Variants in USP20 observed in about 807,000 individuals in gnomAD.
USP20 encodes the protein ubiquitin carboxyl-terminal hydrolase 20.
A neutral mutation model predicts 124.2 loss-of-function variants in USP20; 80 were observed. The ratio of observed to expected loss-of-function variants is 0.64; its 90% confidence interval spans 0.54 to 0.78. The LOEUF is 0.78. Ranked by LOEUF, USP20 falls within the 30% of genes least tolerant of loss-of-function variation. USP20 has a pLI of 0.00. For missense variants in USP20, 1,043 were observed against 1,244.4 expected (o/e 0.84, Z 2.44); for synonymous variants, 481 against 512.3 (o/e 0.94, Z 0.83).
At chr9:129,871,708 TTTTTGTTTTG>T (rs930451480) in intron 15 of USP20, among the ~76,000 whole-genome samples, 4 of 152,144 alleles carry the variant, frequency 2.6e-5, no homozygotes, top group African/African-American at 9.7e-5. Flanking sequence ...TTGTGCGTTT[TTTTTGTTTTG>T]TTTTGTTTTG....
Position 129,861,557 on chromosome 9 carries a change from A to G in USP20, c.442A>G (p.Lys148Glu). ...DLKPRGLTGM[K>E]NLGNSCYMNA... Reference sequence around the variant, plus strand: ...TTATTTCCCAGGCCTCACGGGCATGAAGAACCTCGGGAACTCCTGCTACAT... The same window carrying G: ...TTATTTCCCAGGCCTCACGGGCATGGAGAACCTCGGGAACTCCTGCTACAT... Residue 148 changes from lysine (K) to glutamate (E), a missense_variant, in exon 8 of 26, where the codon AAG becomes GAG. Physicochemically the swap from Lys to Glu is moderately conservative, Grantham distance 56. Coordinates refer to ENST00000372429, the MANE Select transcript of USP20 (RefSeq NM_001110303.4). 1 of 1,614,120 alleles carries G rather than the reference A, an allele frequency of 6.2e-7. No homozygotes were observed. Among genetic ancestry groups the G allele is most frequent in the Non-Finnish European group, 8.5e-7 (1 of 1,180,014 alleles).
chr9:129,841,510 T>A (rs1476397660), intron 1 of USP20, among the ~76,000 whole-genome samples: 2 of 152,222 alleles, frequency 1.3e-5, no homozygotes, highest in Non-Finnish European at 2.9e-5. Flanking sequence ...CAGTCCACAC[T>A]CAGGCATGCT....
chr9:129,873,550 C>G, intron 16 of USP20, 35 bp downstream of exon 16: 1 of 1,614,124 alleles, frequency 6.2e-7, no homozygotes, highest in Non-Finnish European at 8.5e-7. Flanking sequence ...TCCCTAACTG[C>G]CGTTTCTGTG....
intron 4 of USP20, among the ~76,000 whole-genome samples, chr9:129,857,024 A>G (rs2033250005): frequency 6.6e-6 from 1 of 152,008 alleles, no homozygotes; most frequent in African/African-American, 2.4e-5. Flanking sequence ...TTTTATAGTC[A>G]TACTAAAAAT....
Position 129,879,445 on chromosome 9 carries a change from C to T in USP20, c.2513-128C>T, listed in dbSNP as rs556001674. On this transcript the variant is annotated intron_variant, in intron 23 of 25. Transcript: ENST00000372429. This position sits in a 1 kb window ranked among gnomAD's most constrained non-coding sequence, Gnocchi z 4.2. ...ACAGAGGAGCATTGGGTGGCTCAGG[C>T]GCCTCATCCATTAGAGACTTCACGC... The T allele has an allele frequency of 3.2e-5, 27 of 839,812 alleles. No individual in the cohort carries two copies. Among genetic ancestry groups the T allele is most frequent in the East Asian group, 9.9e-5 (4 of 40,576 alleles). 52.0% of individuals were successfully genotyped at this position (839,812 alleles called of 1,614,324 possible).
intron 14 of USP20, chr9:129,870,076 G>T: frequency 1.6e-6 from 1 of 606,762 alleles, no homozygotes. Flanking sequence ...TGGACAGCAG[G>T]GAGGTGACCA....
At chr9:129,854,013 G>C (rs1405137037) in intron 3 of USP20, among the ~76,000 whole-genome samples, 1 of 152,120 alleles carries the variant, frequency 6.6e-6, no homozygotes, top group Non-Finnish European at 1.5e-5. Flanking sequence ...GCAAGGATAT[G>C]AGCAGGTCCT....
At position 129,844,578 on chromosome 9, in the gene USP20, C is replaced by T. The variant is rs528326225; in HGVS notation, c.-128-5235C>T. Among the ~76,000 whole-genome samples the T allele has an allele frequency of 4.2e-5, 6 of 144,018 alleles. No homozygotes were observed. In the East Asian group the frequency reaches 6.2e-4, roughly 15 times the overall value. 94.5% of individuals were successfully genotyped at this position (144,018 alleles called of 152,430 possible). ...AGTGGAGAGTGTGTTCAGTCGAGAT[C>T]GCACCACTGCACTCCAGCCTGGGTG... On this transcript the variant is annotated intron_variant, in intron 1 of 25. Coordinates refer to ENST00000372429, the MANE Select transcript of USP20 (RefSeq NM_001110303.4).
intron 13 of USP20, 116 bp from the exon 14 acceptor site, chr9:129,869,556 G>C (rs780635948): frequency 1.3e-6 from 2 of 1,534,738 alleles, no homozygotes; most frequent in Non-Finnish European, 8.9e-7. Context: ...CCCTGCCTGC[G>C]TGGATCCCGT....
At chr9:129,847,339 G>A (rs187251864) in intron 1 of USP20, among the ~76,000 whole-genome samples, 63 of 134,966 alleles carry the variant, frequency 4.7e-4, no homozygotes, top group Middle Eastern at 4.5e-3. Flanking sequence ...GTCTTGCTCT[G>A]TCGCCCAGGC....
intron 1 of USP20, among the ~76,000 whole-genome samples, chr9:129,849,133 A>G (rs906531855): frequency 6.6e-6 from 1 of 152,092 alleles, no homozygotes; most frequent in South Asian, 2.1e-4. Context: ...TCCTGTCCAG[A>G]GGGTTGATGG....
chr9:129,863,640 G>A (rs991035550), intron 9 of USP20, among the ~76,000 whole-genome samples: 3 of 152,206 alleles, frequency 2.0e-5, no homozygotes, highest in Admixed American at 6.5e-5. Flanking sequence ...GACTGTGTGT[G>A]TAGAAGGAGG....
Position 129,880,681 on chromosome 9 carries a change from C to T in USP20, c.*231C>T. 3 of 191,240 alleles carry T rather than the reference C, an allele frequency of 1.6e-5. No individual in the cohort carries two copies. The South Asian group carries it at 3.0e-4, about 19-fold the overall frequency. 11.8% of individuals were successfully genotyped at this position (191,240 alleles called of 1,614,324 possible). On this transcript the variant is annotated 3_prime_UTR_variant, in exon 26 of 26. Transcript: ENST00000372429. Reference sequence around the variant, plus strand: ...TGGCAGTGCCTCTGCCAGTCACTGTCATCGTTGTGTCCCCCACAACTGTCC... The same window carrying T: ...TGGCAGTGCCTCTGCCAGTCACTGTTATCGTTGTGTCCCCCACAACTGTCC...
At chr9:129,861,187 C>A (rs1237107512) in intron 7 of USP20, among the ~76,000 whole-genome samples, 154 bp downstream of exon 7, 1 of 152,002 alleles carries the variant, frequency 6.6e-6, no homozygotes, top group Non-Finnish European at 1.5e-5. Context: ...GGTGGCTTCA[C>A]CCCAGAAGTT....
At chr9:129,852,871 C>G (rs1315331661) in intron 3 of USP20, among the ~76,000 whole-genome samples, 1 of 152,108 alleles carries the variant, frequency 6.6e-6, no homozygotes, top group Non-Finnish European at 1.5e-5. Flanking sequence ...GCTCTCTGTC[C>G]ATTAGCTGTT....
At chr9:129,835,550 T>C (rs2031746288) in intron 1 of USP20, 51 bp downstream of exon 1, 2 of 217,626 alleles carry the variant, frequency 9.2e-6, no homozygotes, top group Non-Finnish European at 9.0e-6. Flanking sequence ...CCTCTGAGCA[T>C]TGGCGACCCC....
At chr9:129,862,584 T>C (rs1374473214) in intron 8 of USP20, among the ~76,000 whole-genome samples, 1 of 146,140 alleles carries the variant, frequency 6.8e-6, no homozygotes, top group Non-Finnish European at 1.5e-5. Context: ...CCGCACCCAA[T>C]CCGTTTTAAC....
intron 2 of USP20, among the ~76,000 whole-genome samples, chr9:129,850,731 C>T (rs2032870513): frequency 6.6e-6 from 1 of 152,088 alleles, no homozygotes; most frequent in African/African-American, 2.4e-5. Context: ...TGTTGGCTTG[C>T]CACAACTTCC....
chr9:129,843,094 C>G (rs1420183244), intron 1 of USP20, among the ~76,000 whole-genome samples: 1 of 150,868 alleles, frequency 6.6e-6, no homozygotes, highest in Non-Finnish European at 1.5e-5. Context: ...GTAGAGCCTT[C>G]AAAGCACACA....
Sources: gnomAD v4.1 joint callset for allele counts (sites outside exome capture counted in the v4.1 genomes callset) on GRCh38, gnomAD v4.1.1 for gene constraint, Gnocchi (gnomAD v3.1) non-coding constraint, MANE v1.5 for transcripts, NCBI Gene and HGNC (gene_info 2026-07-23, HGNC 2026-07-21) for gene names.